SNX11: variants seen among roughly 807,000 people sequenced by gnomAD.
SNX11 encodes the protein sorting nexin 11, also known as sorting nexin-11.
Under a neutral mutation model 30.7 loss-of-function variants are expected in SNX11, and 19 were observed. The observed-to-expected ratio is 0.62, with a 90% CI of 0.43 to 0.91. The LOEUF is 0.91. Among genes scored for constraint, SNX11 ranks in the 40% least tolerant of loss-of-function variants. The pLI is 0.00. For synonymous variants in SNX11, 112 were observed against 119.0 expected (o/e 0.94, Z 0.38); for missense variants, 302 against 326.7 (o/e 0.92, Z 0.58).
At chr17:48,109,722 C>T (rs991353512) in intron 1 of SNX11, among the ~76,000 whole-genome samples, 12 of 151,988 alleles carry the variant, frequency 7.9e-5, no homozygotes, top group Admixed American at 5.9e-4. Context: ...GGATTACAGG[C>T]GCCTGCCACC....
At chr17:48,115,046 C>T (rs1183207947) in intron 4 of SNX11, among the ~76,000 whole-genome samples, 1 of 150,962 alleles carries the variant, frequency 6.6e-6, no homozygotes, top group African/African-American at 2.4e-5. Flanking sequence ...ACGTGAGCCA[C>T]CATGCTCCGC....
intron 2 of SNX11, 125 bp from the exon 3 acceptor site, chr17:48,112,449 T>C: frequency 1.4e-6 from 1 of 703,918 alleles, no homozygotes; most frequent in Non-Finnish European, 2.5e-6. Flanking sequence ...GAAAGTTGAA[T>C]TGAATAAATG....
chr17:48,110,761 T>C (rs2063483996), intron 1 of SNX11: 1 of 152,656 alleles, frequency 6.6e-6, no homozygotes, highest in Admixed American at 6.5e-5. Context: ...TCAGTTTTCA[T>C]TTCAAGGTAA....
At chr17:48,115,236 G>A (rs1404757327) in intron 4 of SNX11, among the ~76,000 whole-genome samples, 5 of 150,654 alleles carry the variant, frequency 3.3e-5, no homozygotes, top group African/African-American at 1.2e-4. Flanking sequence ...TAATTTTTGT[G>A]TTTTTAGTAG....
intron 1 of SNX11, among the ~76,000 whole-genome samples, chr17:48,109,433 T>A (rs2063468712): frequency 6.6e-6 from 1 of 151,556 alleles, no homozygotes; most frequent in Admixed American, 6.6e-5. Flanking sequence ...CTAATTTTTG[T>A]ATTTTTAGTA....
At chr17:48,114,829 C>T (rs1330530604) in intron 4 of SNX11, among the ~76,000 whole-genome samples, 2 of 151,574 alleles carry the variant, frequency 1.3e-5, no homozygotes, top group Non-Finnish European at 2.9e-5. Context: ...CCACGCCTGG[C>T]TGACTATTTT....
At chr17:48,118,858 G>A (rs1419650566) in intron 5 of SNX11, 59 bp downstream of exon 5, 2 of 1,566,660 alleles carry the variant, frequency 1.3e-6, no homozygotes, top group Non-Finnish European at 1.8e-6. Flanking sequence ...GTGGAGGAAT[G>A]TGCCAGGCAG....
At position 48,121,528 on chromosome 17, in the gene SNX11, G is replaced by A. The variant is rs2063603010; in HGVS notation, c.*20G>A. The A allele has an allele frequency of 6.2e-7, 1 of 1,609,850 alleles. No individual in the cohort carries two copies. Among genetic ancestry groups the A allele is most frequent in the Non-Finnish European group, 8.5e-7 (1 of 1,178,190 alleles). On this transcript the variant is annotated 3_prime_UTR_variant, in exon 7 of 7. Coordinates refer to ENST00000359238, the MANE Select transcript of SNX11 (RefSeq NM_013323.3). ...AAGTGAGCTCTGGGTTCTGCTCTGA[G>A]ATGGTCAGAGAAGATGCGGGCCAGG...
At chr17:48,108,876 A>G (rs1353952178) in intron 1 of SNX11, among the ~76,000 whole-genome samples, 1 of 152,206 alleles carries the variant, frequency 6.6e-6, no homozygotes, top group African/African-American at 2.4e-5. Context: ...TCTAATGGAG[A>G]AGAGTGGTTG....
chr17:48,111,229 A>G lies in SNX11; in HGVS notation c.-13-802A>G, dbSNP rs182448688. 28 of 510,370 alleles carry G rather than the reference A, an allele frequency of 5.5e-5. No homozygotes were observed. The Admixed American group carries it at 8.3e-4, about 15-fold the overall frequency. The allele number at this position is 510,370 out of a possible 1,614,324, so 31.6% of individuals were successfully genotyped here. A position where few individuals can be genotyped will look rare whatever the true frequency, so the allele number is the denominator to read the frequency against. ...GTGCTCCTTGGAGTGCTCTAGCTCT[A>G]TGATTCACCTGTGGGGAGTTGACTG... On this transcript the variant is annotated intron_variant, in intron 1 of 6. Coordinates refer to ENST00000359238, the MANE Select transcript of SNX11 (RefSeq NM_013323.3).
chr17:48,121,521 G>A lies in SNX11; in HGVS notation c.*13G>A. The stretch of plus-strand genomic sequence containing the variant: ...TTTGGAAAAGTGAGCTCTGGGTTCT[G>A]CTCTGAGATGGTCAGAGAAGATGCG... On this transcript the variant is annotated 3_prime_UTR_variant, in exon 7 of 7. Coordinates refer to ENST00000359238, the MANE Select transcript of SNX11 (RefSeq NM_013323.3). 1 of 1,611,632 alleles carries A rather than the reference G, an allele frequency of 6.2e-7. No homozygotes were observed.
At chr17:48,113,441 C>A in intron 4 of SNX11, 40 bp downstream of exon 4, 1 of 1,462,450 alleles carries the variant, frequency 6.8e-7, no homozygotes, top group Non-Finnish European at 9.6e-7. Context: ...CTGTGACTGG[C>A]TTTTTGGGTG....
rs983507717 is a variant in SNX11, at chr17:48,114,600, G to T, written c.230+1199G>T. Among the ~76,000 whole-genome samples the T allele has an allele frequency of 2.6e-5, 4 of 151,764 alleles. No individual in the cohort carries two copies. In the Middle Eastern group the frequency reaches 0.014, roughly 523 times the overall value. On this transcript the variant is annotated intron_variant, in intron 4 of 6. Transcript: ENST00000359238. ...GCCTCCCGAGTAGCTGGAATTACAG[G>T]GGGTTACCACCATGCCCAGCTAATG...
chr17:48,121,450 G>T lies in SNX11; in HGVS notation c.755G>T (p.Gly252Val). The change falls in exon 7 of 7, where the codon GGA (glycine) becomes GTA (valine). Residue 252 changes from glycine (G) to valine (V), a missense_variant. Transcript: ENST00000359238. ...STLQSVRRAV[G>V]GDHAVPLDPG... The stretch of plus-strand genomic sequence containing the variant: ...CTTCAGTCTGTGAGGAGGGCTGTGG[G>T]AGGAGATCATGCTGTGCCTTTGGAC... The T allele has an allele frequency of 1.2e-6, 2 of 1,614,168 alleles. No homozygotes were observed. Among genetic ancestry groups the T allele is most frequent in the Non-Finnish European group, 1.7e-6 (2 of 1,180,042 alleles).
chr17:48,114,674 G>GT (rs1300308812), intron 4 of SNX11, among the ~76,000 whole-genome samples: 2 of 112,852 alleles, frequency 1.8e-5, no homozygotes, highest in Non-Finnish European at 3.5e-5. Flanking sequence ...GCCAGGCTGG[G>GT]TTTTTTTTGC....
Position 48,123,517 on chromosome 17 carries a change from T to G in SNX11, c.*2009T>G, listed in dbSNP as rs1027960904. ...TAGTTCTGCCAGCCGGCTAGGCTGC[T>G]GGGACAGCAGGAGCCATTCAAAGAC... On this transcript the variant is annotated 3_prime_UTR_variant, in exon 7 of 7. Coordinates refer to ENST00000359238, the MANE Select transcript of SNX11 (RefSeq NM_013323.3). Among the ~76,000 whole-genome samples the G allele has an allele frequency of 1.3e-5, 2 of 152,170 alleles. No homozygotes were observed. The highest frequency in any genetic ancestry group is 2.9e-5 in the Non-Finnish European group (2 of 68,038).
At chr17:48,118,830 C>T in intron 5 of SNX11, 31 bp downstream of exon 5, 1 of 1,599,532 alleles carries the variant, frequency 6.3e-7, no homozygotes, top group Non-Finnish European at 8.6e-7. Flanking sequence ...GTGCTGGCCA[C>T]CAAGGGTGGA....
In SNX11 at chr17:48,118,502, C is replaced by T. The variant is rs528582689; in HGVS notation, c.231-202C>T. Among the ~76,000 whole-genome samples, 12 of 150,152 alleles carry T rather than the reference C, an allele frequency of 8.0e-5. No homozygotes were observed. The South Asian group carries it at 1.3e-3, about 16-fold the overall frequency. ...GCTGAGGCAGAGAACTGCTTGAACC[C>T]GGGAGGCAGACGTTGCAGTAAGCCG... On this transcript the variant is annotated intron_variant, in intron 4 of 6. Transcript: ENST00000359238.
At chr17:48,109,653 C>T (rs2063471405) in intron 1 of SNX11, among the ~76,000 whole-genome samples, 1 of 151,668 alleles carries the variant, frequency 6.6e-6, no homozygotes, top group East Asian at 1.9e-4. Context: ...TCTCGGCTCA[C>T]TGCAACCTCC....
Sources: allele counts gnomAD v4.1 joint callset (sites outside exome capture counted in the v4.1 genomes callset), GRCh38; gene constraint gnomAD v4.1.1; transcripts MANE v1.5; gene names NCBI Gene and HGNC (gene_info 2026-07-23, HGNC 2026-07-21).